Variants in NPEPPS observed in about 807,000 individuals in gnomAD.
NPEPPS encodes aminopeptidase puromycin sensitive, also known as puromycin-sensitive aminopeptidase.
In NPEPPS, 14 loss-of-function variants were observed where a neutral mutation model predicts 115.5. The observed-to-expected ratio is 0.12, with a 90% confidence interval of 0.08 to 0.19. The LOEUF (loss-of-function observed/expected upper bound fraction) is 0.19. Among genes scored for constraint, NPEPPS ranks in the 10% least tolerant of loss-of-function variants. The pLI is 1.00. For synonymous variants in NPEPPS, 285 were observed against 390.6 expected (o/e 0.73, Z 3.19); for missense variants, 523 against 1,110.8 (o/e 0.47, Z 7.52).
rs145511109 is a variant in NPEPPS at position 47,609,012 on chromosome 17, G to A, written c.2096-3448G>A. Among the ~76,000 whole-genome samples, 1,018 of 152,264 alleles carry A rather than the reference G, an allele frequency of 6.7e-3. 14 individuals carry two copies. The highest frequency in any genetic ancestry group is 0.022 in the African/African-American group (900 of 41,550). ...AACACACTTAGACAACTTTTTAAAG[G>A]AGTTTTGCTGAGAAGATCAGAGAAA... On this transcript the variant is annotated intron_variant, in intron 17 of 22. Coordinates refer to ENST00000322157, the MANE Select transcript of NPEPPS (RefSeq NM_006310.4).
intron 1 of NPEPPS, among the ~76,000 whole-genome samples, chr17:47,535,231 A>T (rs1472836495): frequency 9.6e-6 from 1 of 104,042 alleles, no homozygotes; most frequent in Non-Finnish European, 1.9e-5. Context: ...CAACAGAGCA[A>T]GACTCTGTCT....
At chr17:47,570,263 A>G (rs1911114274) in intron 3 of NPEPPS, among the ~76,000 whole-genome samples, 1 of 152,126 alleles carries the variant, frequency 6.6e-6, no homozygotes, top group Admixed American at 6.5e-5. Context: ...CTCTACCAAA[A>G]AATACAAAAA....
intron 8 of NPEPPS, 107 bp downstream of exon 8, chr17:47,586,505 A>C (rs1912188210): frequency 4.9e-6 from 4 of 808,144 alleles, no homozygotes; most frequent in Non-Finnish European, 6.0e-6. Context: ...ATATGGTGTA[A>C]ATTTTTCTAC....
chr17:47,597,357 C>T (rs1340464920), intron 13 of NPEPPS, among the ~76,000 whole-genome samples: 1 of 152,056 alleles, frequency 6.6e-6, no homozygotes, highest in Non-Finnish European at 1.5e-5. Flanking sequence ...GATCTTAACT[C>T]GGTTTCATTA....
chr17:47,524,500 T>C (rs2143629092), intron 1 of NPEPPS, among the ~76,000 whole-genome samples: 1 of 129,440 alleles, frequency 7.7e-6, no homozygotes. Flanking sequence ...ATTAAAAACA[T>C]TTTTTTTTTT....
At chr17:47,525,741 T>C (rs1242750383) in intron 1 of NPEPPS, among the ~76,000 whole-genome samples, 1 of 152,194 alleles carries the variant, frequency 6.6e-6, no homozygotes, top group Non-Finnish European at 1.5e-5. Flanking sequence ...ATCTTGTACA[T>C]ACAGGAAAGG....
At position 47,613,780 on chromosome 17, in the gene NPEPPS, C is replaced by G. The variant is rs1914019503; in HGVS notation, c.2295+55C>G. ...CTGCTTTTGAACTTGGATAGACACA[C>G]AGTAAACCTCTAAATGGTTAAAAAA... On this transcript the variant is annotated intron_variant, in intron 19 of 22. Transcript: ENST00000322157. The G allele has an allele frequency of 1.6e-5, 21 of 1,273,540 alleles. No individual in the cohort carries two copies. In the Admixed American group the frequency reaches 3.6e-4, roughly 22 times the overall value. The allele number at this position is 1,273,540 out of a possible 1,614,324, so 78.9% of individuals were successfully genotyped here. A position where few individuals can be genotyped will look rare whatever the true frequency, so the allele number is the denominator to read the frequency against.
intron 2 of NPEPPS, among the ~76,000 whole-genome samples, chr17:47,565,170 G>T (rs999225951): frequency 8.5e-5 from 13 of 152,098 alleles, no homozygotes; most frequent in Non-Finnish European, 1.6e-4. Context: ...TCACAAGAGG[G>T]TATAGAATGA....
chr17:47,571,473 CTTT>C (rs1911186295), intron 3 of NPEPPS, among the ~76,000 whole-genome samples: 1 of 152,190 alleles, frequency 6.6e-6, no homozygotes. Context: ...AATCCCAGCA[CTTT>C]GGGAGGCCGA....
At chr17:47,606,744 A>AGCTTCTATGTCTTTTCTTCATTGACTC (rs150125921) in intron 17 of NPEPPS, among the ~76,000 whole-genome samples, 2 of 152,038 alleles carry the variant, frequency 1.3e-5, no homozygotes, top group African/African-American at 4.8e-5. Context: ...AGCTGGTCCC[A>AGCTTCTATGTCTTTTCTTCATTGACTC]AACAAATATT....
At chr17:47,571,186 A>T (rs1482413710) in intron 3 of NPEPPS, among the ~76,000 whole-genome samples, 1 of 152,192 alleles carries the variant, frequency 6.6e-6, no homozygotes, top group African/African-American at 2.4e-5. Context: ...AGAATATAAA[A>T]TTACATATTT....
intron 3 of NPEPPS, among the ~76,000 whole-genome samples, chr17:47,570,410 G>A (rs566381500): frequency 1.3e-4 from 19 of 151,972 alleles, no homozygotes; most frequent in Non-Finnish European, 2.8e-4. Flanking sequence ...TGATAGAGTG[G>A]GACTCTGTCT....
intron 15 of NPEPPS, among the ~76,000 whole-genome samples, chr17:47,603,319 C>T (rs939103196): frequency 2.0e-5 from 3 of 151,768 alleles, no homozygotes; most frequent in Non-Finnish European, 2.9e-5. Context: ...GGGTGAGGCA[C>T]GAGAATCACT....
At chr17:47,549,659 A>G (rs1333907685) in intron 2 of NPEPPS, among the ~76,000 whole-genome samples, 2 of 151,086 alleles carry the variant, frequency 1.3e-5, no homozygotes, top group African/African-American at 2.4e-5. Context: ...AGGCACCTGT[A>G]ATTCCAGCTA....
intron 15 of NPEPPS, 23 bp from the exon 16 acceptor site, chr17:47,603,892 G>T (rs1312343992): frequency 6.3e-7 from 1 of 1,585,790 alleles, no homozygotes; most frequent in Middle Eastern, 1.7e-4. Flanking sequence ...CTGTTTAATA[G>T]TACTTACTGG....
At chr17:47,579,722 A>G (rs1911746263) in intron 4 of NPEPPS, 1 of 433,106 alleles carries the variant, frequency 2.3e-6, no homozygotes, top group Non-Finnish European at 4.2e-6. Context: ...ATATACAGTT[A>G]TACACACAGA....
intron 22 of NPEPPS, among the ~76,000 whole-genome samples, chr17:47,621,053 C>T (rs564186670): frequency 5.9e-5 from 9 of 151,826 alleles, no homozygotes; most frequent in Non-Finnish European, 8.8e-5. Context: ...TGGGAGTGCA[C>T]GCTTGTGGTC....
rs182103737 is a variant in NPEPPS, at chr17:47,584,947, C to T, written c.649-553C>T. Among the ~76,000 whole-genome samples the T allele has an allele frequency of 2.2e-3, 331 of 152,256 alleles. 4 individuals carry two copies. The highest frequency in any genetic ancestry group is 7.3e-3 in the African/African-American group (304 of 41,546). On this transcript the variant is annotated intron_variant, in intron 5 of 22. Transcript: ENST00000322157. Reference sequence around the variant, plus strand: ...AGTTCACGACATTCTCCTGCCTCAGCCTCCCAAGTAGCTGGGATTACAGGC... The same window carrying T: ...AGTTCACGACATTCTCCTGCCTCAGTCTCCCAAGTAGCTGGGATTACAGGC...
At chr17:47,610,635 G>C (rs1033844669) in intron 17 of NPEPPS, among the ~76,000 whole-genome samples, 16 of 151,868 alleles carry the variant, frequency 1.1e-4, no homozygotes, top group African/African-American at 3.4e-4. Context: ...GCCTGCCTCA[G>C]CCTCCCAAAG....
Sources: gnomAD v4.1 joint callset for allele counts (sites outside exome capture counted in the v4.1 genomes callset) on GRCh38, gnomAD v4.1.1 for gene constraint, MANE v1.5 for transcripts, NCBI Gene and HGNC (gene_info 2026-07-23, HGNC 2026-07-21) for gene names.